The following XPO1 variants were observed in gnomAD, a reference collection of about 807,000 sequenced individuals.
XPO1 encodes the protein exportin 1.
Under a neutral mutation model 133.3 loss-of-function variants are expected in XPO1, and 5 were observed. The ratio of observed to expected loss-of-function variants is 0.04; its 90% CI spans 0.02 to 0.08. XPO1 has a LOEUF of 0.08. XPO1 is among the 10% of genes least tolerant of loss of function. The pLI is 1.00. For synonymous variants in XPO1, 419 were observed against 408.2 expected (o/e 1.03, Z -0.32); for missense variants, 506 against 1,267.5 (o/e 0.40, Z 9.12).
chr2:61,533,690 G>A, intron 2 of XPO1, 82 bp downstream of exon 2: 1 of 1,314,886 alleles, frequency 7.6e-7, no homozygotes, highest in Non-Finnish European at 9.9e-7. Context: ...TTTTTTAAAG[G>A]TGATAATTTA....
At position 61,525,412 on chromosome 2, in the gene XPO1, T is replaced by C. The variant is rs1051599489; in HGVS notation, c.228+1008A>G. 2.5e-5 allele frequency: 25 copies of C among 995,742 alleles called. No homozygotes were observed. The African/African-American group carries it at 3.1e-4, about 12-fold the overall frequency. 61.7% of individuals were successfully genotyped at this position (995,742 alleles called of 1,614,324 possible). On this transcript the variant is annotated intron_variant, in intron 3 of 24. Transcript: ENST00000401558. ...AACATCTTTAAAGAAAAAAAAATGA[T>C]TGCATAAAAGCCAAATGTCATAGTG... is the stretch of plus-strand genomic sequence containing the variant.
intron 2 of XPO1, among the ~76,000 whole-genome samples, chr2:61,527,866 G>T (rs575176698): frequency 6.6e-6 from 1 of 151,444 alleles, no homozygotes; most frequent in South Asian, 2.1e-4. Context: ...AATAACTAAA[G>T]TTTATGGAAG....
Position 61,502,220 on chromosome 2 carries a change from T to C in XPO1, c.363+29A>G, listed in dbSNP as rs773310991. On this transcript the variant is annotated intron_variant, in intron 5 of 24. Transcript: ENST00000401558. ...TCAATATCTAAATGATTTTATGCTC[T>C]CCCAATAAGCTCCAAAATAAACTCT... 3.2e-5 allele frequency: 52 copies of C among 1,605,232 alleles called. 1 individual carries two copies. Among genetic ancestry groups the C allele is most frequent in the Non-Finnish European group, 4.2e-5 (49 of 1,177,428 alleles).
chr2:61,508,272 G>C (rs1422066106), intron 4 of XPO1, among the ~76,000 whole-genome samples: 3 of 152,070 alleles, frequency 2.0e-5, no homozygotes, highest in African/African-American at 7.2e-5. Flanking sequence ...ATTGTTTCTT[G>C]GAAAGCCATA....
chr2:61,507,445 G>A (rs892299568), intron 4 of XPO1, among the ~76,000 whole-genome samples: 4 of 151,900 alleles, frequency 2.6e-5, no homozygotes, highest in Admixed American at 6.6e-5. Flanking sequence ...ACAGTCGTTC[G>A]TGCCTATACT....
intron 3 of XPO1, among the ~76,000 whole-genome samples, chr2:61,523,362 G>C (rs1698779196): frequency 6.6e-6 from 1 of 152,168 alleles, no homozygotes; most frequent in Admixed American, 6.5e-5. Context: ...AATACTGAAA[G>C]TTATAACTAA....
Position 61,533,856 on chromosome 2 carries a change from A to C in XPO1, c.42T>G (p.Arg14=). ...GTTTTTGGCTGAAATCAAGCAGCTG[A>C]CGAGCTGCATGGTCTGCTAACATTG... ...IMTMLADHAA[R]QLLDFSQKLD... Residue 14 remains arginine, a synonymous_variant, in exon 2 of 25, where the codon CGT becomes CGG. Coordinates refer to ENST00000401558, the MANE Select transcript of XPO1 (RefSeq NM_003400.4). 6.2e-7 allele frequency: 1 copy of C among 1,609,004 alleles called. No individual in the cohort carries two copies. The highest frequency in any genetic ancestry group is 1.7e-5 in the Admixed American group (1 of 58,840).
intron 4 of XPO1, among the ~76,000 whole-genome samples, chr2:61,511,777 G>A (rs769219744): frequency 2.0e-5 from 3 of 148,928 alleles, no homozygotes; most frequent in Non-Finnish European, 3.0e-5. Flanking sequence ...TTTTCTTTTT[G>A]AGACGGAGCC....
chr2:61,526,373 G>C, intron 3 of XPO1, 47 bp downstream of exon 3: 1 of 1,579,920 alleles, frequency 6.3e-7, no homozygotes, highest in Non-Finnish European at 8.6e-7. Flanking sequence ...CAAAGTTTAT[G>C]ACTGGAAGAA....
At chr2:61,479,343 T>C (rs571994695) in intron 24 of XPO1, among the ~76,000 whole-genome samples, 42 of 152,088 alleles carry the variant, frequency 2.8e-4, no homozygotes, top group Non-Finnish European at 5.6e-4. Flanking sequence ...TCCCAGCTAC[T>C]TGGGAGGCTG....
chr2:61,500,239 T>C (rs1418036454), intron 6 of XPO1, among the ~76,000 whole-genome samples: 1 of 151,914 alleles, frequency 6.6e-6, no homozygotes, highest in Non-Finnish European at 1.5e-5. Context: ...TCCCAGCACT[T>C]TGTGGGGAGC....
At chr2:61,537,166 T>A (rs1699389384) in intron 1 of XPO1, 1 of 151,980 alleles carries the variant, frequency 6.6e-6, no homozygotes, top group Non-Finnish European at 1.5e-5. Context: ...CTGCACTAAA[T>A]ATTTCTGGAA....
In XPO1 at chr2:61,490,681, A is replaced by G. The variant is rs776485612; in HGVS notation, c.1983T>C (p.Pro661=). Residue 661 remains proline (P), a synonymous_variant, in exon 17 of 25, where the codon CCT becomes CCC. Coordinates refer to ENST00000401558, the MANE Select transcript of XPO1 (RefSeq NM_003400.4). ...GGATTATACTATCCCACACTTGATT[A>G]GGGAGTAACATGTACTTTTCTATCA... The part of the protein sequence containing the change: ...EHLIEKYMLL[P]NQVWDSIIQQ... 54 of 1,614,080 alleles carry G rather than the reference A, an allele frequency of 3.3e-5. No individual in the cohort carries two copies. Among genetic ancestry groups the G allele is most frequent in the Admixed American group, 3.3e-5 (2 of 59,994 alleles).
chr2:61,537,498 C>G (rs1699405409), intron 1 of XPO1, 64 bp downstream of exon 1: 1 of 147,866 alleles, frequency 6.8e-6, no homozygotes, highest in Non-Finnish European at 1.5e-5. Flanking sequence ...CCACGCCGGC[C>G]TCCTCCCGCC....
Position 61,478,688 on chromosome 2 carries a change from AAC to A in XPO1, c.*130_*131del. On this transcript the variant is annotated 3_prime_UTR_variant, in exon 25 of 25. Transcript: ENST00000401558. ...TCACAGAAAATTTCTTATACAAAAAAACACATAAGAAAAAGGGCCACTAGGTG... is the reference window on the plus strand; with the variant it reads ...TCACAGAAAATTTCTTATACAAAAAAACATAAGAAAAAGGGCCACTAGGTG... The A allele has an allele frequency of 1.2e-6, 1 of 869,190 alleles. No homozygotes were observed. The highest frequency in any genetic ancestry group is 1.7e-6 in the Non-Finnish European group (1 of 605,812). 53.8% of individuals were successfully genotyped at this position (869,190 alleles called of 1,614,324 possible). A position where few individuals can be genotyped will look rare whatever the true frequency, so the allele number is the denominator to read the frequency against.
chr2:61,488,311 A>C (rs1291345695), intron 18 of XPO1, 40 bp from the exon 19 acceptor site: 8 of 1,557,536 alleles, frequency 5.1e-6, no homozygotes, highest in Non-Finnish European at 7.1e-6. Flanking sequence ...TTTACCACTA[A>C]ACTTATACAG....
intron 11 of XPO1, chr2:61,494,782 A>G (rs1171836502): frequency 6.7e-6 from 1 of 149,118 alleles, no homozygotes; most frequent in Non-Finnish European, 1.5e-5. Context: ...GTATATATAT[A>G]TATACTTATG....
chr2:61,489,655 C>T lies in XPO1; in HGVS notation c.2023-884G>A, dbSNP rs549173036. ...CTGCAAGCTCTGCCTCCCAGGTTCA[C>T]GCCATTCTCCTGCCTCAGCCTCCTG... On this transcript the variant is annotated intron_variant, in intron 17 of 24. Coordinates refer to ENST00000401558, the MANE Select transcript of XPO1 (RefSeq NM_003400.4). Among the ~76,000 whole-genome samples the T allele has an allele frequency of 6.5e-4, 97 of 149,490 alleles. 1 individual carries two copies. The highest frequency in any genetic ancestry group is 1.2e-3 in the African/African-American group (47 of 40,758).
At chr2:61,506,510 A>T in intron 4 of XPO1, among the ~76,000 whole-genome samples, 1 of 150,982 alleles carries the variant, frequency 6.6e-6, no homozygotes, top group Admixed American at 6.6e-5. Flanking sequence ...GAGGCAGGAG[A>T]AACGCTTGAA....
Sources: gnomAD v4.1 joint callset for allele counts (sites outside exome capture counted in the v4.1 genomes callset) on GRCh38, gnomAD v4.1.1 for gene constraint, MANE v1.5 for transcripts, NCBI Gene and HGNC (gene_info 2026-07-23, HGNC 2026-07-21) for gene names.